Variants in MAT1A observed in about 807,000 individuals in gnomAD.
MAT1A encodes methionine adenosyltransferase 1A.
Under a neutral mutation model 44.0 loss-of-function variants are expected in MAT1A, and 19 were observed. The observed-to-expected ratio is 0.43, with a 90% confidence interval of 0.30 to 0.63. The LOEUF (loss-of-function observed/expected upper bound fraction) is 0.63. MAT1A is among the 30% of genes least tolerant of loss of function. MAT1A has a pLI of 0.12. For synonymous variants in MAT1A, 205 were observed against 205.6 expected (o/e 1.00, Z 0.03); for missense variants, 397 against 531.0 (o/e 0.75, Z 2.48).
At chr10:80,282,984 C>T (rs188138616) in intron 3 of MAT1A, among the ~76,000 whole-genome samples, 168 of 152,232 alleles carry the variant, frequency 1.1e-3, no homozygotes, top group Non-Finnish European at 2.1e-3. Flanking sequence ...TTTGCCATGG[C>T]GTGAGGTCAT....
rs373567910 is a variant in MAT1A at position 80,274,531 on chromosome 10, G to A, written c.1074C>T (p.Gly358=). 2.4e-5 allele frequency: 39 copies of A among 1,614,126 alleles called. No individual in the cohort carries two copies. The highest frequency in any genetic ancestry group is 8.9e-5 in the East Asian group (4 of 44,874). Residue 358 remains glycine, a synonymous_variant, in exon 8 of 9, where the codon GGC becomes GGT. Transcript: ENST00000372213. The part of the protein sequence containing the change: ...VVHKNFDLRP[G]VIVRDLDLKK... ...GCATGGCACTTTACCTGACAATGAC[G>A]CCCGGCCGGAGGTCGAAGTTCTTAT...
At position 80,275,372 on chromosome 10, in the gene MAT1A, A is replaced by C. The variant is rs532622093; in HGVS notation, c.769-173T>G. The C allele has an allele frequency of 7.7e-6, 5 of 653,568 alleles. No individual in the cohort carries two copies. In the African/African-American group the frequency reaches 9.0e-5, roughly 12 times the overall value. 40.5% of individuals were successfully genotyped at this position (653,568 alleles called of 1,614,324 possible). ...GAACTCTGGACTCCACTCCCAGCTC[A>C]GTCACTGACAACATATTGAAAACAG... On this transcript the variant is annotated intron_variant, in intron 6 of 8. Coordinates refer to ENST00000372213, the MANE Select transcript of MAT1A (RefSeq NM_000429.3).
intron 4 of MAT1A, 90 bp downstream of exon 4, chr10:80,280,590 A>T (rs2282367): frequency 2.5e-6 from 3 of 1,211,408 alleles, no homozygotes; most frequent in South Asian, 1.2e-5. Context: ...GTGCTAGGAC[A>T]AGAATCCACC....
chr10:80,276,424 G>A lies in MAT1A; in HGVS notation c.720C>T (p.Thr240=), dbSNP rs746592321. Residue 240 remains threonine, a synonymous_variant, in exon 6 of 9, where the codon ACC becomes ACT. Coordinates refer to ENST00000372213, the MANE Select transcript of MAT1A (RefSeq NM_000429.3). ...VVPAKYLDED[T]VYHLQPSGRF... ...GCCCACTGGGCTGCAGGTGGTAGAC[G>A]GTGTCTTCGTCCAGGTACTTGGCCG... The A allele has an allele frequency of 1.1e-5, 18 of 1,614,036 alleles. No homozygotes were observed. The highest frequency in any genetic ancestry group is 2.2e-5 in the East Asian group (1 of 44,888).
At chr10:80,287,303 TG>T (rs1322541401) in intron 1 of MAT1A, among the ~76,000 whole-genome samples, 1 of 152,274 alleles carries the variant, frequency 6.6e-6, no homozygotes, top group Non-Finnish European at 1.5e-5. Flanking sequence ...GTTTTTGTTT[TG>T]GCTTTCAAAA....
chr10:80,276,039 G>A (rs1841480706), intron 6 of MAT1A, among the ~76,000 whole-genome samples: 1 of 152,216 alleles, frequency 6.6e-6, no homozygotes, highest in Admixed American at 6.5e-5. Flanking sequence ...TGCAAATGCT[G>A]CAGTGGGGAA....
chr10:80,279,440 C>A (rs1841530714), intron 5 of MAT1A, among the ~76,000 whole-genome samples: 1 of 151,958 alleles, frequency 6.6e-6, no homozygotes, highest in African/African-American at 2.4e-5. Flanking sequence ...GTGAAGGTGA[C>A]AATGGGGTCC....
rs1037690007 is a variant in MAT1A, at chr10:80,283,962, C to T, written c.246G>A (p.Val82=). 1.9e-6 allele frequency: 3 copies of T among 1,614,108 alleles called. No individual in the cohort carries two copies. The highest frequency in any genetic ancestry group is 2.5e-6 in the Non-Finnish European group (3 of 1,180,036). ...CGATGTGCTTGATGGTGTCCCTCACCACCCGCTGGTAGTCCACCATGGCCA... is the reference window on the plus strand; with the variant it reads ...CGATGTGCTTGATGGTGTCCCTCACTACCCGCTGGTAGTCCACCATGGCCA... ...TSMAMVDYQR[V]VRDTIKHIGY... The change falls in exon 3 of 9, where the codon GTG becomes GTA. Residue 82 remains valine, a synonymous_variant. Transcript: ENST00000372213.
chr10:80,289,226 T>C, intron 1 of MAT1A, 107 bp downstream of exon 1: 2 of 917,982 alleles, frequency 2.2e-6, no homozygotes, highest in Non-Finnish European at 1.8e-6. Flanking sequence ...CGGTACCCCA[T>C]AAATATGCAC....
At chr10:80,275,290 C>T in intron 6 of MAT1A, 91 bp from the exon 7 acceptor site, 1 of 1,175,740 alleles carries the variant, frequency 8.5e-7, no homozygotes, top group South Asian at 1.3e-5. Flanking sequence ...TGAACTGCAA[C>T]TCAGGAAGGA....
rs747760597 is a variant in MAT1A, at chr10:80,284,145, C to A, written c.170-107G>T. On this transcript the variant is annotated intron_variant, in intron 2 of 8. Transcript: ENST00000372213. ...CAGACAGAAAAGACACAGGAGGGGC[C>A]TTACGAGGAATGGATTCCAGAAGGA... 183 of 1,432,908 alleles carry A rather than the reference C, an allele frequency of 1.3e-4. 2 individuals are homozygous for A. In the South Asian group the frequency reaches 1.3e-3, roughly 10 times the overall value. The allele number at this position is 1,432,908 out of a possible 1,614,324, so 88.8% of individuals were successfully genotyped here.
chr10:80,282,934 C>T (rs1841587634), intron 3 of MAT1A, among the ~76,000 whole-genome samples: 1 of 152,186 alleles, frequency 6.6e-6, no homozygotes, highest in Non-Finnish European at 1.5e-5. Context: ...ATCTTGATTA[C>T]AGGTGTATAG....
chr10:80,281,520 T>C (rs985959610), intron 3 of MAT1A, among the ~76,000 whole-genome samples: 2 of 148,538 alleles, frequency 1.3e-5, no homozygotes, highest in African/African-American at 5.0e-5. Flanking sequence ...ACCGAGACCG[T>C]GCGCACCTCC....
chr10:80,285,643 T>G, intron 1 of MAT1A, 54 bp from the exon 2 acceptor site: 1 of 1,215,952 alleles, frequency 8.2e-7, no homozygotes, highest in Non-Finnish European at 1.2e-6. Context: ...GATAACAAAT[T>G]GAAATCTTAA....
In MAT1A at chr10:80,273,564, A is replaced by G; in HGVS notation, c.*217T>C. 1.7e-6 allele frequency: 1 copy of G among 580,712 alleles called. No homozygotes were observed. Among genetic ancestry groups the G allele is most frequent in the Non-Finnish European group, 3.1e-6 (1 of 323,494 alleles). 36.0% of individuals were successfully genotyped at this position (580,712 alleles called of 1,614,324 possible). On this transcript the variant is annotated 3_prime_UTR_variant, in exon 9 of 9. Transcript: ENST00000372213. ...CAGTCTGAGGGAGCAGCAGGAGAAC[A>G]CCATGCCCATCCTTACATCAAGATC... is the stretch of plus-strand genomic sequence containing the variant.
intron 1 of MAT1A, among the ~76,000 whole-genome samples, chr10:80,286,598 C>T (rs1841653952): frequency 6.6e-6 from 1 of 152,222 alleles, no homozygotes; most frequent in Non-Finnish European, 1.5e-5. Context: ...TATTCTTCCA[C>T]TATTTGCCTT....
chr10:80,286,290 C>T (rs1313872327), intron 1 of MAT1A, among the ~76,000 whole-genome samples: 1 of 152,162 alleles, frequency 6.6e-6, no homozygotes, highest in Non-Finnish European at 1.5e-5. Context: ...GTCAATTTTA[C>T]CTCTTTGCCA....
At chr10:80,284,239 GA>G (rs1841611637) in intron 2 of MAT1A, among the ~76,000 whole-genome samples, 1 of 152,162 alleles carries the variant, frequency 6.6e-6, no homozygotes, top group Non-Finnish European at 1.5e-5. Context: ...TGCTGTCTTG[GA>G]AAGAGTCAGT....
Position 80,274,061 on chromosome 10 carries a change from T to G in MAT1A, c.1086-178A>C, listed in dbSNP as rs182476937. ...ATCTGTGCCATACCCTGGTCTCGTTTTATAGCCCCACGGATGCTTAGAGGT... is the reference window on the plus strand; with the variant it reads ...ATCTGTGCCATACCCTGGTCTCGTTGTATAGCCCCACGGATGCTTAGAGGT... On this transcript the variant is annotated intron_variant, in intron 8 of 8. Transcript: ENST00000372213. Among the ~76,000 whole-genome samples, 460 of 152,288 alleles carry G rather than the reference T, an allele frequency of 3.0e-3. 3 individuals carry two copies. The highest frequency in any genetic ancestry group is 0.011 in the African/African-American group (445 of 41,570).
Sources: gnomAD v4.1 joint callset for allele counts (sites outside exome capture counted in the v4.1 genomes callset) on GRCh38, gnomAD v4.1.1 for gene constraint, MANE v1.5 for transcripts, NCBI Gene and HGNC (gene_info 2026-07-23, HGNC 2026-07-21) for gene names.